Variants in DCC observed in about 807,000 individuals in gnomAD.
The protein encoded by DCC is netrin receptor DCC.
A neutral mutation model predicts 172.5 loss-of-function variants in DCC; 58 were observed. The ratio of observed to expected loss-of-function variants is 0.34; its 90% CI spans 0.27 to 0.42. The LOEUF (loss-of-function observed/expected upper bound fraction) is 0.42, where lower values mean the gene tolerates loss of function less well. Among genes scored for constraint, DCC ranks in the 10% least tolerant of loss-of-function variants. The pLI is 1.00. For missense variants in DCC, 1,740 were observed against 1,791.0 expected, an observed-to-expected ratio of 0.97 and a Z score of 0.51; for synonymous variants, 709 against 644.5, an observed-to-expected ratio of 1.10 and a Z score of -1.52.
intron 12 of DCC, among the ~76,000 whole-genome samples, chr18:53,266,665 T>G (rs1352274742): frequency 5.9e-5 from 9 of 152,158 alleles, no homozygotes; most frequent in Admixed American, 5.9e-4. Context: ...ATTTTTATTA[T>G]GAATCTCTTA....
At chr18:52,446,559 C>T (rs184002545) in intron 1 of DCC, among the ~76,000 whole-genome samples, 221 of 152,238 alleles carry the variant, frequency 1.5e-3, no homozygotes, top group Middle Eastern at 6.8e-3. Context: ...AGCAGATAAT[C>T]CTAAAGAATA....
At chr18:53,369,586 T>C (rs1243906234) in intron 15 of DCC, among the ~76,000 whole-genome samples, 1 of 151,974 alleles carries the variant, frequency 6.6e-6, no homozygotes, top group Non-Finnish European at 1.5e-5. Context: ...AGTCTCACCA[T>C]TGGGCATTGT....
At position 52,964,910 on chromosome 18, in the gene DCC, T is replaced by C. The variant is rs974972601; in HGVS notation, c.985+39540T>C. On this transcript the variant is annotated intron_variant, in intron 5 of 28. Coordinates refer to ENST00000442544, the MANE Select transcript of DCC (RefSeq NM_005215.4). ...TCCAGAGGCTGCCTAAATTCCTTGA[T>C]TAATGGCCTATTATGCCATCTTCCA... The C allele has an allele frequency of 3.3e-5, 5 of 152,178 alleles. No individual in the cohort carries two copies. The East Asian group carries it at 9.6e-4, about 29-fold the overall frequency. 9.4% of individuals were successfully genotyped at this position (152,178 alleles called of 1,614,324 possible). A position where few individuals can be genotyped will look rare whatever the true frequency, so the allele number is the denominator to read the frequency against.
At chr18:52,856,700 G>A (rs1476568867) in intron 2 of DCC, among the ~76,000 whole-genome samples, 1 of 147,640 alleles carries the variant, frequency 6.8e-6, no homozygotes, top group South Asian at 2.2e-4. Flanking sequence ...TTAGAATTTT[G>A]TTAGTCATAA....
rs1436303292 is a variant in DCC at position 52,607,425 on chromosome 18, CTAATTGGGCAAAGTCTAAAGG to C, written c.92-144624_92-144604del. On this transcript the variant is annotated intron_variant, in intron 1 of 28. Transcript: ENST00000442544. ...CACTTAAAGATGGGATTTTCAAGATCTAATTGGGCAAAGTCTAAAGGTAATGAGCAAATTCAAAGTGACCAT... is the reference window on the plus strand; with the variant it reads ...CACTTAAAGATGGGATTTTCAAGATCTAATGAGCAAATTCAAAGTGACCAT... Among the ~76,000 whole-genome samples, 2 of 152,080 alleles carry C rather than the reference CTAATTGGGCAAAGTCTAAAGG, an allele frequency of 1.3e-5. 1 individual carries two copies. Among genetic ancestry groups the C allele is most frequent in the South Asian group, 4.1e-4 (2 of 4,826 alleles).
intron 1 of DCC, among the ~76,000 whole-genome samples, chr18:52,546,742 G>T (rs1202667807): frequency 6.6e-6 from 1 of 152,038 alleles, no homozygotes; most frequent in African/African-American, 2.4e-5. Context: ...TCGAGACCTT[G>T]TAGTGAACTC....
chr18:52,734,230 C>T lies in DCC; in HGVS notation c.92-17824C>T, dbSNP rs549251126. The stretch of plus-strand genomic sequence containing the variant: ...ATGTTTTGCAGTTTATACCTGTTGT[C>T]CTGGCTTAATTATAAATCAAGTCTC... On this transcript the variant is annotated intron_variant, in intron 1 of 28. Transcript: ENST00000442544. Among the ~76,000 whole-genome samples, 6 of 152,004 alleles carry T rather than the reference C, an allele frequency of 3.9e-5. No individual in the cohort carries two copies. In the South Asian group the frequency reaches 1.0e-3, roughly 26 times the overall value.
intron 1 of DCC, among the ~76,000 whole-genome samples, chr18:52,511,638 A>C (rs2031444784): frequency 6.6e-6 from 1 of 152,298 alleles, no homozygotes; most frequent in Admixed American, 6.5e-5. Flanking sequence ...GACAGCCCCC[A>C]TAATAAACAA....
chr18:52,965,582 G>GT (rs1303249594), intron 5 of DCC, among the ~76,000 whole-genome samples: 3 of 151,924 alleles, frequency 2.0e-5, no homozygotes, highest in Admixed American at 6.6e-5. Context: ...TAATTTTTGT[G>GT]TTTTTTTCTT....
At chr18:53,069,629 A>G (rs551414006) in intron 7 of DCC, among the ~76,000 whole-genome samples, 1 of 152,050 alleles carries the variant, frequency 6.6e-6, no homozygotes, top group Non-Finnish European at 1.5e-5. Context: ...ACAAAAAAAA[A>G]AAAAAAGAAG....
chr18:52,519,309 T>G (rs1279479154), intron 1 of DCC, among the ~76,000 whole-genome samples: 1 of 152,174 alleles, frequency 6.6e-6, no homozygotes, highest in Non-Finnish European at 1.5e-5. Context: ...AGAAGTGGAC[T>G]TTGTTAAGTG....
chr18:52,960,274 G>T (rs72926150), intron 5 of DCC, among the ~76,000 whole-genome samples: 3,244 of 152,050 alleles, frequency 0.021, 61 homozygotes, highest in Admixed American at 0.039. Flanking sequence ...TATCCCTGAA[G>T]GATTTTCCTG....
At chr18:52,888,786 G>A (rs976539709) in intron 2 of DCC, among the ~76,000 whole-genome samples, 2 of 151,958 alleles carry the variant, frequency 1.3e-5, no homozygotes, top group African/African-American at 4.8e-5. Context: ...GAAAACATGT[G>A]AAGCAAATGT....
At chr18:53,404,319 TTATTTAA>T (rs1909514658) in intron 19 of DCC, among the ~76,000 whole-genome samples, 1 of 152,156 alleles carries the variant, frequency 6.6e-6, no homozygotes, top group South Asian at 2.1e-4. Context: ...TTCTCCACTC[TTATTTAA>T]GTAAATCTTA....
chr18:52,461,080 C>A (rs529688566), intron 1 of DCC, among the ~76,000 whole-genome samples: 1 of 152,162 alleles, frequency 6.6e-6, no homozygotes, highest in South Asian at 2.1e-4. Flanking sequence ...AAAACACAAA[C>A]ACATTGTACA....
intron 19 of DCC, among the ~76,000 whole-genome samples, chr18:53,405,944 T>A (rs985310368): frequency 2.0e-5 from 3 of 152,216 alleles, no homozygotes. Flanking sequence ...TTTATTAGTA[T>A]TCTACTGGTC....
At chr18:52,963,956 TA>T (rs2040887426) in intron 5 of DCC, among the ~76,000 whole-genome samples, 1 of 152,128 alleles carries the variant, frequency 6.6e-6, no homozygotes, top group African/African-American at 2.4e-5. Flanking sequence ...TGAGAGATTT[TA>T]AAAAGGTGCA....
chr18:53,184,437 G>A (rs1276850315), intron 9 of DCC, among the ~76,000 whole-genome samples: 1 of 152,026 alleles, frequency 6.6e-6, no homozygotes, highest in East Asian at 1.9e-4. Context: ...AGAAGGTAGA[G>A]CCTACTACAC....
At chr18:53,418,607 A>G (rs929555311) in intron 21 of DCC, among the ~76,000 whole-genome samples, 1 of 152,198 alleles carries the variant, frequency 6.6e-6, no homozygotes, top group African/African-American at 2.4e-5. Context: ...CCTTGCAAAG[A>G]TGAATCCTAA....
Sources: gnomAD v4.1 joint callset for allele counts (sites outside exome capture counted in the v4.1 genomes callset) on GRCh38, gnomAD v4.1.1 for gene constraint, MANE v1.5 for transcripts, NCBI Gene and HGNC (gene_info 2026-07-23, HGNC 2026-07-21) for gene names.